The following ENPP2 variants were observed in gnomAD, a reference collection of about 807,000 sequenced individuals.
The protein encoded by ENPP2 is ectonucleotide pyrophosphatase/phosphodiesterase 2.
Under a neutral mutation model 120.2 loss-of-function variants are expected in ENPP2, and 51 were observed. That is an observed-to-expected ratio of 0.42 (90% confidence interval 0.34 to 0.54). The LOEUF (loss-of-function observed/expected upper bound fraction) is 0.54, where lower values mean the gene tolerates loss of function less well. Ranked by LOEUF, ENPP2 falls within the 20% of genes least tolerant of loss-of-function variation. ENPP2 has a pLI of 0.04. For synonymous variants in ENPP2, 365 were observed against 366.4 expected (o/e 1.00, Z 0.04); for missense variants, 920 against 1,066.5 (o/e 0.86, Z 1.91).
intron 1 of ENPP2, among the ~76,000 whole-genome samples, chr8:119,645,096 A>G (rs902055779): frequency 1.3e-5 from 2 of 152,158 alleles, no homozygotes; most frequent in African/African-American, 4.8e-5. Context: ...GCAGGCTACA[A>G]ACTCCACTTG....
intron 1 of ENPP2, among the ~76,000 whole-genome samples, chr8:119,646,922 G>A (rs919558432): frequency 6.6e-6 from 1 of 151,780 alleles, no homozygotes; most frequent in Non-Finnish European, 1.5e-5. Context: ...ACTCCGCTGT[G>A]AGCCTCCCCA....
At chr8:119,629,039 C>A (rs1816473020) in intron 2 of ENPP2, among the ~76,000 whole-genome samples, 1 of 152,022 alleles carries the variant, frequency 6.6e-6, no homozygotes, top group Non-Finnish European at 1.5e-5. Context: ...TATATAAATA[C>A]CATACAATAT....
Position 119,557,637 on chromosome 8 carries a change from T to C in ENPP2, c.2476A>G (p.Arg826Gly). 1 of 1,604,964 alleles carries C rather than the reference T, an allele frequency of 6.2e-7. No individual in the cohort carries two copies. Among genetic ancestry groups the C allele is most frequent in the Non-Finnish European group, 8.5e-7 (1 of 1,177,334 alleles). Residue 826 changes from arginine (R) to glycine (G), a missense_variant, in exon 25 of 25, where the codon AGG becomes GGG. Coordinates refer to ENST00000075322, the MANE Select transcript of ENPP2 (RefSeq NM_001040092.3). ...VEELMKMHTARVRDIEHLTSL... is the reference protein window; with the variant it reads ...VEELMKMHTAGVRDIEHLTSL... ...GTGAGATGTTCAATGTCACGCACCC[T>C]AGCTGTGTGCATCTTCATGAGTTCT...
rs1813697245 is a variant in ENPP2 at position 119,593,740 on chromosome 8, AC to A, written c.1081+11del. ...CATCTATCCTATTAGCAAAGAAAAA[AC>A]AAAGCTTTACCATGGTCTCCGACAA... On this transcript the variant is annotated intron_variant, in intron 12 of 24. Transcript: ENST00000075322. The A allele has an allele frequency of 6.6e-7, 1 of 1,526,296 alleles. No individual in the cohort carries two copies. The highest frequency in any genetic ancestry group is 1.4e-5 in the African/African-American group (1 of 73,200). 94.5% of individuals were successfully genotyped at this position (1,526,296 alleles called of 1,614,324 possible). A position where few individuals can be genotyped will look rare whatever the true frequency, so the allele number is the denominator to read the frequency against.
At chr8:119,645,768 T>G (rs1425032941) in intron 1 of ENPP2, among the ~76,000 whole-genome samples, 1 of 145,402 alleles carries the variant, frequency 6.9e-6, no homozygotes, top group African/African-American at 2.6e-5. Flanking sequence ...TGAGCTGAGA[T>G]CGCACCATTG....
At chr8:119,669,195 C>T (rs1156496957) in intron 1 of ENPP2, among the ~76,000 whole-genome samples, 1 of 152,154 alleles carries the variant, frequency 6.6e-6, no homozygotes. Flanking sequence ...CATGTCAATC[C>T]ATCTGTTAAT....
chr8:119,624,344 T>A (rs995504217), intron 3 of ENPP2, among the ~76,000 whole-genome samples: 3 of 151,464 alleles, frequency 2.0e-5, no homozygotes, highest in Non-Finnish European at 4.4e-5. Flanking sequence ...AAGGAGGAGG[T>A]CACCTACCAG....
intron 8 of ENPP2, among the ~76,000 whole-genome samples, chr8:119,615,048 C>T (rs1815364821): frequency 6.6e-6 from 1 of 152,116 alleles, no homozygotes; most frequent in East Asian, 1.9e-4. Flanking sequence ...ATTTTGATCA[C>T]AAATGACCTT....
chr8:119,582,643 T>C, intron 17 of ENPP2, 41 bp from the exon 18 acceptor site: 2 of 1,403,110 alleles, frequency 1.4e-6, no homozygotes, highest in South Asian at 1.2e-5. Context: ...CTTCTTATAT[T>C]TTTTTGATGA....
intron 15 of ENPP2, 71 bp from the exon 16 acceptor site, chr8:119,584,120 G>A: frequency 9.5e-7 from 1 of 1,049,332 alleles, no homozygotes; most frequent in Admixed American, 1.8e-5. Context: ...GTAATTTCAG[G>A]GTACAAAGAA....
chr8:119,631,234 T>A (rs1448033550), intron 2 of ENPP2, among the ~76,000 whole-genome samples: 3 of 103,114 alleles, frequency 2.9e-5, no homozygotes, highest in African/African-American at 1.5e-4. Context: ...TTTTTTTTTT[T>A]GAGACGGAGT....
chr8:119,604,334 C>T (rs1216817728), intron 9 of ENPP2, among the ~76,000 whole-genome samples: 1 of 152,026 alleles, frequency 6.6e-6, no homozygotes, highest in Non-Finnish European at 1.5e-5. Context: ...AGCCTCTAAT[C>T]TCTTAAATGA....
At chr8:119,627,641 C>G (rs1816372056) in intron 2 of ENPP2, among the ~76,000 whole-genome samples, 2 of 151,978 alleles carry the variant, frequency 1.3e-5, no homozygotes, top group African/African-American at 2.4e-5. Flanking sequence ...GTCGGTGGAT[C>G]ATCTGAGGTC....
chr8:119,603,664 A>G (rs2130587625), intron 9 of ENPP2, among the ~76,000 whole-genome samples: 1 of 152,286 alleles, frequency 6.6e-6, no homozygotes, highest in East Asian at 1.9e-4. Context: ...TGCTGGGCAC[A>G]TAGAAAGGGT....
Position 119,659,121 on chromosome 8 carries a change from C to G in ENPP2, c.21+14131G>C, listed in dbSNP as rs1587584918. ...CTTGAGGCCAGGAGTTCAAGACCAGCCTGGGCAACATGGCAAAACCCCATC... is the reference window on the plus strand; with the variant it reads ...CTTGAGGCCAGGAGTTCAAGACCAGGCTGGGCAACATGGCAAAACCCCATC... On this transcript the variant is annotated intron_variant, in intron 1 of 25. Transcript: ENST00000427067. Among the ~76,000 whole-genome samples the G allele has an allele frequency of 2.6e-5, 4 of 152,032 alleles. 1 individual carries two copies. Among genetic ancestry groups the G allele is most frequent in the Admixed American group, 2.6e-4 (4 of 15,270 alleles).
chr8:119,593,721 T>C (rs1481477402), intron 12 of ENPP2, 31 bp downstream of exon 12: 2 of 1,260,160 alleles, frequency 1.6e-6, no homozygotes, highest in Admixed American at 1.7e-5. Context: ...TATCCATCTA[T>C]CCTATTAGCA....
At chr8:119,589,217 T>G (rs377308678) in intron 13 of ENPP2, among the ~76,000 whole-genome samples, 10 of 152,284 alleles carry the variant, frequency 6.6e-5, no homozygotes, top group East Asian at 3.9e-4. Flanking sequence ...CTAACAATCC[T>G]TACCTTGCAG....
chr8:119,644,587 A>AATATATATATATATATATATAT (rs33966650), intron 1 of ENPP2, among the ~76,000 whole-genome samples: 6 of 59,970 alleles, frequency 1.0e-4, no homozygotes, highest in Admixed American at 6.2e-4. Flanking sequence ...AGATTACTAA[A>AATATATATATATATATATATAT]ATATATATAT....
intron 1 of ENPP2, among the ~76,000 whole-genome samples, chr8:119,660,194 A>G (rs759978671): frequency 3.3e-5 from 5 of 152,196 alleles, no homozygotes; most frequent in Non-Finnish European, 5.9e-5. Flanking sequence ...CTTTGTTTTC[A>G]TTTCCATAGA....
Sources: gnomAD v4.1 joint callset for allele counts (sites outside exome capture counted in the v4.1 genomes callset) on GRCh38, gnomAD v4.1.1 for gene constraint, MANE v1.5 for transcripts, NCBI Gene and HGNC (gene_info 2026-07-23, HGNC 2026-07-21) for gene names.